Variants in ALG5 observed in about 807,000 individuals in gnomAD.
The protein encoded by ALG5 is ALG5 dolichyl-phosphate beta-glucosyltransferase.
Under a neutral mutation model 51.8 loss-of-function variants are expected in ALG5, and 26 were observed. The observed-to-expected ratio is 0.50, with a 90% CI of 0.37 to 0.70. ALG5 has a LOEUF of 0.70. Ranked by LOEUF, ALG5 falls within the 30% of genes least tolerant of loss-of-function variation. ALG5 has a pLI of 0.00. For synonymous variants in ALG5, 141 were observed against 136.1 expected (o/e 1.04, Z -0.25); for missense variants, 311 against 399.3 (o/e 0.78, Z 1.88).
In ALG5 at chr13:36,995,420, C is replaced by T. The variant is rs750298367; in HGVS notation, c.238+5G>A. The T allele has an allele frequency of 1.2e-6, 2 of 1,606,502 alleles. No individual in the cohort carries two copies. The highest frequency in any genetic ancestry group is 1.7e-5 in the Admixed American group (1 of 57,756). On this transcript the variant is annotated splice_donor_5th_base_variant and intron_variant, in intron 2 of 9. Coordinates refer to ENST00000239891, the MANE Select transcript of ALG5 (RefSeq NM_013338.5). ...CTTTACCAAAAAAATCAAAACAGGG[C>T]TTACACCGTTTTTCTTCATTGTATG...
At chr13:36,989,635 G>T in intron 4 of ALG5, 59 bp from the exon 5 acceptor site, 1 of 1,377,876 alleles carries the variant, frequency 7.3e-7, no homozygotes. Context: ...AATTATATAA[G>T]CTGTGTTTCT....
In ALG5 at chr13:36,971,613, C is replaced by T. The variant is rs182564413; in HGVS notation, c.621+364G>A. Among the ~76,000 whole-genome samples the T allele has an allele frequency of 8.2e-4, 108 of 132,208 alleles. 1 individual carries two copies. In the East Asian group the frequency reaches 0.023, roughly 29 times the overall value. The allele number at this position is 132,208 out of a possible 152,430, so 86.7% of individuals were successfully genotyped here. A position where few individuals can be genotyped will look rare whatever the true frequency, so the allele number is the denominator to read the frequency against. ...CCAGTGAGCCAAGATCGCACCACTG[C>T]ACTCCAGCCTGGGCAACAGAGGGAG... On this transcript the variant is annotated intron_variant, in intron 7 of 9. Coordinates refer to ENST00000239891, the MANE Select transcript of ALG5 (RefSeq NM_013338.5).
chr13:36,994,589 AAGAG>A (rs1401271961), intron 3 of ALG5, among the ~76,000 whole-genome samples: 2 of 148,152 alleles, frequency 1.3e-5, no homozygotes, highest in Non-Finnish European at 2.9e-5. Flanking sequence ...AAAATAAAAA[AAGAG>A]AGAAGAGAAT....
In ALG5 at chr13:36,993,585, T is replaced by C. The variant is rs1014989424; in HGVS notation, c.354+19A>G. ...TCTATTTTCTAACTATTGTCAATTCTAAAAGCAAGTGTATTTACCTTTGAG... is the reference window on the plus strand; with the variant it reads ...TCTATTTTCTAACTATTGTCAATTCCAAAAGCAAGTGTATTTACCTTTGAG... On this transcript the variant is annotated intron_variant, in intron 4 of 9. Coordinates refer to ENST00000239891, the MANE Select transcript of ALG5 (RefSeq NM_013338.5). 1 of 1,603,384 alleles carries C rather than the reference T, an allele frequency of 6.2e-7. No homozygotes were observed. Among genetic ancestry groups the C allele is most frequent in the Non-Finnish European group, 8.5e-7 (1 of 1,170,662 alleles).
In ALG5 at chr13:36,976,939, A is replaced by G. The variant is rs924765752; in HGVS notation, c.562-4903T>C. Among the ~76,000 whole-genome samples, 6 of 152,342 alleles carry G rather than the reference A, an allele frequency of 3.9e-5. No homozygotes were observed. The South Asian group carries it at 1.0e-3, about 26-fold the overall frequency. On this transcript the variant is annotated intron_variant, in intron 6 of 9. Transcript: ENST00000239891. ...CTTTAAACTTGAAAAGAGCAACAAC[A>G]CTATTGAGTAATACATAAAAAAGAA... is the stretch of plus-strand genomic sequence containing the variant.
intron 8 of ALG5, among the ~76,000 whole-genome samples, chr13:36,954,005 A>T (rs1379758628): frequency 9.9e-5 from 15 of 152,144 alleles, no homozygotes; most frequent in Admixed American, 9.8e-4. Context: ...TGACTTATCA[A>T]ATACACAAAA....
At chr13:36,969,638 G>A (rs2058912129) in intron 7 of ALG5, among the ~76,000 whole-genome samples, 1 of 152,028 alleles carries the variant, frequency 6.6e-6, no homozygotes, top group African/African-American at 2.4e-5. Flanking sequence ...GGGTTCACGT[G>A]ATTCTCCTGC....
chr13:36,957,687 A>C (rs2058846703), intron 8 of ALG5, among the ~76,000 whole-genome samples: 1 of 152,182 alleles, frequency 6.6e-6, no homozygotes, highest in South Asian at 2.1e-4. Context: ...GACTTAGCCC[A>C]TATGAAATGC....
intron 1 of ALG5, 67 bp downstream of exon 1, chr13:36,999,168 T>C: frequency 1.4e-6 from 2 of 1,396,756 alleles, no homozygotes; most frequent in Admixed American, 2.7e-5. Context: ...AGGGGACGCC[T>C]GAGGAGCCGC....
chr13:36,981,391 C>G (rs778513598), intron 6 of ALG5, among the ~76,000 whole-genome samples: 5 of 152,172 alleles, frequency 3.3e-5, no homozygotes, highest in Non-Finnish European at 7.3e-5. Context: ...CTACAAAACC[C>G]ACGTTCCTGT....
chr13:36,970,492 C>T (rs146165375), intron 7 of ALG5, among the ~76,000 whole-genome samples: 2,771 of 152,120 alleles, frequency 0.018, 39 homozygotes, highest in Non-Finnish European at 0.029. Context: ...CCCAGCTACT[C>T]GGGAAGCTGA....
At chr13:36,970,836 G>A (rs1485528878) in intron 7 of ALG5, among the ~76,000 whole-genome samples, 2 of 151,930 alleles carry the variant, frequency 1.3e-5, no homozygotes, top group South Asian at 2.1e-4. Flanking sequence ...GCTTGAACCC[G>A]GGAGGCAGAG....
At chr13:36,955,329 T>C (rs1566056418) in intron 8 of ALG5, among the ~76,000 whole-genome samples, 1 of 152,056 alleles carries the variant, frequency 6.6e-6, no homozygotes, top group Non-Finnish European at 1.5e-5. Flanking sequence ...TGCCATACTA[T>C]AGACATGTGA....
chr13:36,995,480 G>C lies in ALG5; in HGVS notation c.183C>G (p.Asp61Glu). ...CGACAGAAAGTTGTTTGGTAGGTGAGTCCCATATGCTGGGTAAAGTTTCTT... is the reference window on the plus strand; with the variant it reads ...CGACAGAAAGTTGTTTGGTAGGTGACTCCCATATGCTGGGTAAAGTTTCTT... ...GQKETLPSIW[D>E]SPTKQLSVVV... The change falls in exon 2 of 10, where the codon GAC becomes GAG. Residue 61 changes from aspartate (D) to glutamate (E), a missense_variant. Transcript: ENST00000239891. 2 of 1,612,910 alleles carry C rather than the reference G, an allele frequency of 1.2e-6. No homozygotes were observed. The highest frequency in any genetic ancestry group is 1.7e-6 in the Non-Finnish European group (2 of 1,179,728).
rs974629336 is a variant in ALG5, at chr13:36,967,715, A to G, written c.622-1989T>C. 4.1e-6 allele frequency: 3 copies of G among 731,630 alleles called. 1 individual carries two copies. Among genetic ancestry groups the G allele is most frequent in the Admixed American group, 2.4e-5 (1 of 42,462 alleles). The allele number at this position is 731,630 out of a possible 1,614,324, so 45.3% of individuals were successfully genotyped here. A position where few individuals can be genotyped will look rare whatever the true frequency, so the allele number is the denominator to read the frequency against. ...CAGAAACCTCATCTTAAAATACTTTAGGAATCTCACAACAGCTTGCTCAGT... is the reference window on the plus strand; with the variant it reads ...CAGAAACCTCATCTTAAAATACTTTGGGAATCTCACAACAGCTTGCTCAGT... On this transcript the variant is annotated intron_variant, in intron 7 of 9. Coordinates refer to ENST00000239891, the MANE Select transcript of ALG5 (RefSeq NM_013338.5).
intron 8 of ALG5, among the ~76,000 whole-genome samples, chr13:36,964,928 A>AT: frequency 6.6e-6 from 1 of 151,964 alleles, no homozygotes; most frequent in African/African-American, 2.4e-5. Flanking sequence ...TCAAAAAAAA[A>AT]AAAAAATGAT....
intron 1 of ALG5, chr13:36,998,939 G>A: frequency 3.2e-6 from 1 of 308,262 alleles, no homozygotes; most frequent in Non-Finnish European, 5.9e-6. Flanking sequence ...TAGGGGGCGC[G>A]GGCGCCAGGG....
chr13:36,990,501 C>T (rs1566067426), intron 4 of ALG5, among the ~76,000 whole-genome samples: 1 of 152,238 alleles, frequency 6.6e-6, no homozygotes, highest in South Asian at 2.1e-4. Context: ...CTACACTGTA[C>T]ATACAGCTAA....
At chr13:36,961,767 C>G (rs2058868273) in intron 8 of ALG5, among the ~76,000 whole-genome samples, 2 of 152,010 alleles carry the variant, frequency 1.3e-5, no homozygotes, top group South Asian at 4.1e-4. Flanking sequence ...CTCTGCAGTT[C>G]TGAATCCAAA....
Sources: gnomAD v4.1 joint callset for allele counts (sites outside exome capture counted in the v4.1 genomes callset) on GRCh38, gnomAD v4.1.1 for gene constraint, MANE v1.5 for transcripts, NCBI Gene and HGNC (gene_info 2026-07-23, HGNC 2026-07-21) for gene names.